Variants in CEP78 observed in about 807,000 individuals in gnomAD.
CEP78 encodes centrosomal protein of 78 kDa.
CEP78 carries 76 observed loss-of-function variants against 81.2 expected under a neutral mutation model. That is an observed-to-expected ratio of 0.94 (90% CI 0.78 to 1.13). The LOEUF is 1.13. Among genes scored for constraint, CEP78 ranks in the 50% most tolerant of loss-of-function variants. The probability of loss-of-function intolerance (pLI) is 0.00; values close to 1 mark genes in which losing one functional copy is unlikely to be tolerated. For synonymous variants in CEP78, 293 were observed against 301.4 expected, an observed-to-expected ratio of 0.97 and a Z score of 0.29; for missense variants, 918 against 846.8, an observed-to-expected ratio of 1.08 and a Z score of -1.04.
Position 78,246,832 on chromosome 9 carries a change from G to T in CEP78, c.892+50G>T, listed in dbSNP as rs564127305. The T allele has an allele frequency of 1.5e-5, 16 of 1,068,172 alleles. No homozygotes were observed. The Admixed American group carries it at 2.6e-4, about 17-fold the overall frequency. 66.2% of individuals were successfully genotyped at this position (1,068,172 alleles called of 1,614,324 possible). ...TGACTAACAAATAGCAAAAGAAAAAGAATTTCTCATGTATTGACAGTTTTG... is the reference window on the plus strand; with the variant it reads ...TGACTAACAAATAGCAAAAGAAAAATAATTTCTCATGTATTGACAGTTTTG... On this transcript the variant is annotated intron_variant, in intron 6 of 16. Coordinates refer to ENST00000643273, the MANE Select transcript of CEP78 (RefSeq NM_001330691.3).
Position 78,278,450 on chromosome 9 carries a change from C to T in CEP78, c.*7599C>T, listed in dbSNP as rs78451421. 1 of 152,184 alleles carries T rather than the reference C, an allele frequency of 6.6e-6. No individual in the cohort carries two copies. Among genetic ancestry groups the T allele is most frequent in the Non-Finnish European group, 1.5e-5 (1 of 68,042 alleles). 9.4% of individuals were successfully genotyped at this position (152,184 alleles called of 1,614,324 possible). Reference sequence around the variant, plus strand: ...GTTAAAAGTAGTAGTCCTGGCCCCACCTTCCTTGTGTGCACGTATAATTAA... The same window carrying T: ...GTTAAAAGTAGTAGTCCTGGCCCCATCTTCCTTGTGTGCACGTATAATTAA... On this transcript the variant is annotated 3_prime_UTR_variant, in exon 17 of 17. Coordinates refer to ENST00000643273, the MANE Select transcript of CEP78 (RefSeq NM_001330691.3).
chr9:78,249,011 A>C (rs1826634179), intron 8 of CEP78, 138 bp downstream of exon 8: 2 of 381,814 alleles, frequency 5.2e-6, no homozygotes, highest in Non-Finnish European at 9.6e-6. Context: ...AATTGTTCTG[A>C]TAAGATTATG....
At chr9:78,248,255 A>G (rs776782399) in intron 6 of CEP78, 36 bp from the exon 7 acceptor site, 5 of 1,154,746 alleles carry the variant, frequency 4.3e-6, no homozygotes, top group Non-Finnish European at 6.4e-6. Flanking sequence ...TCATTGGGAA[A>G]TAATTACTAT....
chr9:78,267,849 C>A (rs1827600389), intron 16 of CEP78, among the ~76,000 whole-genome samples: 1 of 152,090 alleles, frequency 6.6e-6, no homozygotes, highest in African/African-American at 2.4e-5. Context: ...TCCTTTCCTA[C>A]AACCAGACTA....
rs1475532810 is a variant in CEP78, at chr9:78,265,468, A to AGAAG, written c.1723_1726dup (p.Glu576GlyfsTer7). Reference sequence around the variant, plus strand: ...CTTCTACTGTTAGTAATCCACCTAAAGAAGAAAAGAAGGCGCTTGAAGATG... The same window carrying AGAAG: ...CTTCTACTGTTAGTAATCCACCTAAAGAAGGAAGAAAAGAAGGCGCTTGAAGATG... On this transcript the variant is annotated frameshift_variant, in exon 14 of 17. Coordinates refer to ENST00000643273, the MANE Select transcript of CEP78 (RefSeq NM_001330691.3). LOFTEE classifies it high-confidence loss of function. 2 of 1,593,616 alleles carry AGAAG rather than the reference A, an allele frequency of 1.3e-6. No homozygotes were observed. Among genetic ancestry groups the AGAAG allele is most frequent in the Admixed American group, 3.5e-5 (2 of 56,534 alleles).
At chr9:78,257,756 C>G (rs1246926317) in intron 11 of CEP78, among the ~76,000 whole-genome samples, 1 of 152,188 alleles carries the variant, frequency 6.6e-6, no homozygotes, top group Admixed American at 6.5e-5. Flanking sequence ...CTTGTCCGCC[C>G]TTTTCAGTGG....
Position 78,276,542 on chromosome 9 carries a change from C to T in CEP78, c.*5691C>T, listed in dbSNP as rs1429983922. ...ACAAAAAACCCCCTGTGATGATCTA[C>T]TGGCATGCTATTACAGCTAATAAAG... is the stretch of plus-strand genomic sequence containing the variant. On this transcript the variant is annotated 3_prime_UTR_variant, in exon 17 of 17. Transcript: ENST00000643273. The T allele has an allele frequency of 2.0e-5, 3 of 151,366 alleles. No homozygotes were observed. Among genetic ancestry groups the T allele is most frequent in the African/African-American group, 7.3e-5 (3 of 41,204 alleles). The allele number at this position is 151,366 out of a possible 1,614,324, so 9.4% of individuals were successfully genotyped here. A position where few individuals can be genotyped will look rare whatever the true frequency, so the allele number is the denominator to read the frequency against.
At position 78,253,306 on chromosome 9, in the gene CEP78, AG is replaced by A. The variant is rs779342733; in HGVS notation, c.1251+33del. On this transcript the variant is annotated intron_variant, in intron 10 of 16. Coordinates refer to ENST00000643273, the MANE Select transcript of CEP78 (RefSeq NM_001330691.3). The stretch of plus-strand genomic sequence containing the variant: ...CGTAGTTACCATGTTTATAATATGT[AG>A]GGGATTGGAATGGGAAGGGTGGAAG... 1.7e-5 allele frequency: 18 copies of A among 1,035,744 alleles called. No individual in the cohort carries two copies. In the African/African-American group the frequency reaches 2.8e-4, roughly 16 times the overall value. The allele number at this position is 1,035,744 out of a possible 1,614,324, so 64.2% of individuals were successfully genotyped here.
Position 78,264,384 on chromosome 9 carries a change from A to G in CEP78, c.1625+68A>G, listed in dbSNP as rs183148415. 3.4e-5 allele frequency: 45 copies of G among 1,339,882 alleles called. No homozygotes were observed. The South Asian group carries it at 4.1e-4, about 12-fold the overall frequency. The allele number at this position is 1,339,882 out of a possible 1,614,324, so 83.0% of individuals were successfully genotyped here. A position where few individuals can be genotyped will look rare whatever the true frequency, so the allele number is the denominator to read the frequency against. On this transcript the variant is annotated intron_variant, in intron 13 of 16. Transcript: ENST00000643273. The stretch of plus-strand genomic sequence containing the variant: ...TAATGGTGTTTTGCTGAGGAACTTG[A>G]GCAATTTTTATAGCTTTCTGAAGTC...
chr9:78,256,524 ATTTTTTTTT>A (rs35059009), intron 11 of CEP78, among the ~76,000 whole-genome samples: 3 of 76,690 alleles, frequency 3.9e-5, no homozygotes, highest in Non-Finnish European at 7.3e-5. Context: ...CTGCTCCCTT[ATTTTTTTTT>A]TTTTTTTTTT....
intron 1 of CEP78, among the ~76,000 whole-genome samples, chr9:78,239,145 C>G (rs1460587950): frequency 1.3e-5 from 2 of 151,858 alleles, no homozygotes; most frequent in Admixed American, 1.3e-4. Context: ...AGATATTCTT[C>G]ACTGAACCTT....
Position 78,241,804 on chromosome 9 carries a change from C to CT in CEP78, c.603+8dup, listed in dbSNP as rs1826245946. The CT allele has an allele frequency of 6.9e-7, 1 of 1,458,682 alleles. No homozygotes were observed. Among genetic ancestry groups the CT allele is most frequent in the Non-Finnish European group, 9.6e-7 (1 of 1,044,904 alleles). The allele number at this position is 1,458,682 out of a possible 1,614,324, so 90.4% of individuals were successfully genotyped here. ...CACATGGCCAAGATCTTAAAGGTAA[C>CT]TTTATGTTCCAACTTTCATGAAAAT... On this transcript the variant is annotated splice_donor_region_variant and intron_variant, in intron 4 of 16. Coordinates refer to ENST00000643273, the MANE Select transcript of CEP78 (RefSeq NM_001330691.3).
chr9:78,240,075 A>C lies in CEP78; in HGVS notation c.306A>C (p.Lys102Asn). The C allele has an allele frequency of 6.3e-7, 1 of 1,585,046 alleles. No individual in the cohort carries two copies. Among genetic ancestry groups the C allele is most frequent in the African/African-American group, 1.4e-5 (1 of 72,872 alleles). The change falls in exon 2 of 17, where the codon AAA becomes AAC. Residue 102 changes from lysine (K) to asparagine (N), a missense_variant. Transcript: ENST00000643273. ...GTCGTGTTCCTGCGATAAGATACAA[A>C]GATGTGACCTTCCAGTTGTGTAAAG... Reference protein sequence around the residue: ...CRSRVPAIRYKDVTFQLCKAL... With the variant: ...CRSRVPAIRYNDVTFQLCKAL...
rs1192635550 is a variant in CEP78 at position 78,277,638 on chromosome 9, A to G, written c.*6787A>G. The G allele has an allele frequency of 3.3e-5, 5 of 152,302 alleles. No individual in the cohort carries two copies. In the East Asian group the frequency reaches 5.8e-4, roughly 18 times the overall value. 9.4% of individuals were successfully genotyped at this position (152,302 alleles called of 1,614,324 possible). A position where few individuals can be genotyped will look rare whatever the true frequency, so the allele number is the denominator to read the frequency against. ...GTATTCTCAGTCATTGTAGAAATTG[A>G]TACAGCTTTTGGATGGACAGTTTGA... On this transcript the variant is annotated 3_prime_UTR_variant, in exon 17 of 17. Transcript: ENST00000643273.
chr9:78,256,356 A>G (rs1017361108), intron 11 of CEP78, among the ~76,000 whole-genome samples: 15 of 152,078 alleles, frequency 9.9e-5, no homozygotes, highest in African/African-American at 3.6e-4. Flanking sequence ...CTGAAATGAG[A>G]TCATTTGGCT....
At chr9:78,252,881 C>A (rs887261680) in intron 9 of CEP78, among the ~76,000 whole-genome samples, 5 of 152,208 alleles carry the variant, frequency 3.3e-5, no homozygotes, top group Admixed American at 2.0e-4. Flanking sequence ...AATAACTTCA[C>A]AGTTTCATAT....
chr9:78,250,563 A>G, intron 8 of CEP78: 1 of 190,196 alleles, frequency 5.3e-6, no homozygotes, highest in Non-Finnish European at 1.1e-5. Flanking sequence ...ACACAGTAAA[A>G]CCCTGTCTCT....
rs565063235 is a variant in CEP78 at position 78,278,892 on chromosome 9, A to G, written c.*8041A>G. On this transcript the variant is annotated 3_prime_UTR_variant, in exon 17 of 17. Coordinates refer to ENST00000643273, the MANE Select transcript of CEP78 (RefSeq NM_001330691.3). ...GATACATCTACCTGAGAATTTTCAC[A>G]TATAATTTGGTCAAAAAGTTAAAAA... The G allele has an allele frequency of 2.0e-5, 3 of 152,306 alleles. No individual in the cohort carries two copies. The highest frequency in any genetic ancestry group is 6.5e-5 in the Admixed American group (1 of 15,294). The allele number at this position is 152,306 out of a possible 1,614,324, so 9.4% of individuals were successfully genotyped here. A position where few individuals can be genotyped will look rare whatever the true frequency, so the allele number is the denominator to read the frequency against.
At chr9:78,256,103 A>G (rs148958401) in intron 11 of CEP78, among the ~76,000 whole-genome samples, 384 of 152,390 alleles carry the variant, frequency 2.5e-3, no homozygotes, top group African/African-American at 9.0e-3. Flanking sequence ...TATTTTTGAA[A>G]TAGAGATGAC....
Sources: allele counts gnomAD v4.1 joint callset (sites outside exome capture counted in the v4.1 genomes callset), GRCh38; gene constraint gnomAD v4.1.1; transcripts MANE v1.5; gene names NCBI Gene and HGNC (gene_info 2026-07-23, HGNC 2026-07-21).